BFSP1: variants seen among roughly 807,000 people sequenced by gnomAD.
The protein encoded by BFSP1 is filensin.
In BFSP1, 38 loss-of-function variants were observed where a neutral mutation model predicts 43.9. The observed-to-expected ratio is 0.87, with a 90% CI of 0.67 to 1.14. The LOEUF (loss-of-function observed/expected upper bound fraction) is 1.14. Among genes scored for constraint, BFSP1 ranks in the 50% most tolerant of loss-of-function variants. BFSP1 has a pLI of 0.00. For synonymous variants in BFSP1, 352 were observed against 354.8 expected (o/e 0.99, Z 0.09); for missense variants, 850 against 875.1 (o/e 0.97, Z 0.36).
intron 5 of BFSP1, among the ~76,000 whole-genome samples, chr20:17,502,983 T>C (rs1482769598): frequency 1.3e-5 from 2 of 152,142 alleles, no homozygotes; most frequent in Non-Finnish European, 2.9e-5. Context: ...GGGCCATGTG[T>C]TGAGGGATGG....
intron 7 of BFSP1, among the ~76,000 whole-genome samples, chr20:17,496,418 A>G (rs950792201): frequency 1.3e-5 from 2 of 152,226 alleles, no homozygotes; most frequent in African/African-American, 4.8e-5. Flanking sequence ...TGCCACATTT[A>G]CCAGCCAAGC....
chr20:17,521,815 G>A (rs981985464), intron 2 of BFSP1, among the ~76,000 whole-genome samples: 2 of 152,126 alleles, frequency 1.3e-5, no homozygotes, highest in Admixed American at 1.3e-4. Context: ...GGAATGTGAC[G>A]AGCAGGTTGC....
chr20:17,516,529 T>C (rs1183323407), intron 2 of BFSP1, among the ~76,000 whole-genome samples: 1 of 152,128 alleles, frequency 6.6e-6, no homozygotes, highest in Non-Finnish European at 1.5e-5. Context: ...ACACCAGAGC[T>C]GAGACTTCAT....
chr20:17,545,970 T>G (rs2034794122), intron 1 of BFSP1, among the ~76,000 whole-genome samples: 1 of 152,154 alleles, frequency 6.6e-6, no homozygotes, highest in Non-Finnish European at 1.5e-5. Context: ...ACAGAGTAGC[T>G]TCCAATAAAC....
At chr20:17,547,897 ATTTTTTTTT>A (rs71192391) in intron 1 of BFSP1, among the ~76,000 whole-genome samples, 2 of 101,896 alleles carry the variant, frequency 2.0e-5, no homozygotes, top group Non-Finnish European at 1.8e-5. Context: ...TGCCCGGCCA[ATTTTTTTTT>A]TTTTTTTTTT....
At chr20:17,499,882 T>C (rs1302377686) in intron 5 of BFSP1, among the ~76,000 whole-genome samples, 1 of 151,872 alleles carries the variant, frequency 6.6e-6, no homozygotes, top group African/African-American at 2.4e-5. Context: ...GACCACACCA[T>C]TGCACTCCAG....
chr20:17,516,327 C>G (rs2034199307), intron 2 of BFSP1, among the ~76,000 whole-genome samples: 1 of 151,736 alleles, frequency 6.6e-6, no homozygotes, highest in African/African-American at 2.4e-5. Flanking sequence ...AACTCCATCT[C>G]AAAAAAAATT....
upstream of BFSP1, among the ~76,000 whole-genome samples, chr20:17,561,051 T>A (rs2035062539): frequency 6.6e-6 from 1 of 152,232 alleles, no homozygotes; most frequent in Non-Finnish European, 1.5e-5. Context: ...TTATGACTTG[T>A]GATTACACTC....
intron 1 of BFSP1, among the ~76,000 whole-genome samples, chr20:17,526,439 C>T (rs76397601): frequency 0.067 from 10,133 of 152,230 alleles, 386 homozygotes; most frequent in African/African-American, 0.077. Context: ...CTTTCTGTGA[C>T]TGGCTTGTTT....
At chr20:17,501,300 C>T (rs898283746) in intron 5 of BFSP1, among the ~76,000 whole-genome samples, 1 of 152,176 alleles carries the variant, frequency 6.6e-6, no homozygotes, top group Admixed American at 6.5e-5. Context: ...TGTGGTGGCT[C>T]ACACCTGTAA....
chr20:17,509,087 C>T lies in BFSP1; in HGVS notation c.628-91G>A, dbSNP rs150104978. 701 of 932,934 alleles carry T rather than the reference C, an allele frequency of 7.5e-4. 2 individuals are homozygous for T. In the African/African-American group the frequency reaches 0.01, roughly 14 times the overall value. 57.8% of individuals were successfully genotyped at this position (932,934 alleles called of 1,614,324 possible). A position where few individuals can be genotyped will look rare whatever the true frequency, so the allele number is the denominator to read the frequency against. On this transcript the variant is annotated intron_variant, in intron 4 of 7. Coordinates refer to ENST00000377873, the MANE Select transcript of BFSP1 (RefSeq NM_001195.5). ...GGGGCCCTGGTATGGACGGAATATC[C>T]GTGTCCCCCTGAATTCTGTGTTGAA... is the stretch of plus-strand genomic sequence containing the variant.
intron 4 of BFSP1, among the ~76,000 whole-genome samples, chr20:17,510,806 C>T (rs959901828): frequency 1.1e-4 from 16 of 152,166 alleles, no homozygotes; most frequent in African/African-American, 3.6e-4. Flanking sequence ...CAAGTGTCAC[C>T]AGGGTTGAGA....
At chr20:17,522,030 G>A (rs2034329130) in intron 2 of BFSP1, among the ~76,000 whole-genome samples, 1 of 152,192 alleles carries the variant, frequency 6.6e-6, no homozygotes, top group South Asian at 2.1e-4. Flanking sequence ...GATGCAGGCA[G>A]TGATCAGGGT....
intron 1 of BFSP1, among the ~76,000 whole-genome samples, chr20:17,555,283 T>A (rs1304684208): frequency 1.2e-4 from 13 of 111,820 alleles, no homozygotes; most frequent in Non-Finnish European, 1.9e-4. Flanking sequence ...TGAGATCCTA[T>A]CTCACAAAAA....
At chr20:17,541,289 T>C (rs2034713600) in intron 1 of BFSP1, 2 of 982,412 alleles carry the variant, frequency 2.0e-6, no homozygotes, top group Non-Finnish European at 2.4e-6. Context: ...GTCATGAAAC[T>C]CTTAAATGGG....
At chr20:17,540,451 T>C (rs2034697297) in intron 1 of BFSP1, among the ~76,000 whole-genome samples, 1 of 152,074 alleles carries the variant, frequency 6.6e-6, no homozygotes, top group African/African-American at 2.4e-5. Context: ...ATGTCTAAAG[T>C]GGTCTTCAGT....
chr20:17,530,175 T>C (rs1347692865), intron 1 of BFSP1, among the ~76,000 whole-genome samples: 2 of 152,186 alleles, frequency 1.3e-5, no homozygotes, highest in African/African-American at 2.4e-5. Context: ...TGCTGGTCCA[T>C]GGACCGCACT....
At chr20:17,499,798 A>G (rs370875226) in intron 5 of BFSP1, among the ~76,000 whole-genome samples, 12 of 152,220 alleles carry the variant, frequency 7.9e-5, no homozygotes, top group African/African-American at 2.9e-4. Flanking sequence ...GGCACACGCC[A>G]TAATCCCAGA....
At chr20:17,539,471 G>A (rs569486636) in intron 1 of BFSP1, among the ~76,000 whole-genome samples, 6 of 152,060 alleles carry the variant, frequency 3.9e-5, no homozygotes, top group Non-Finnish European at 7.4e-5. Flanking sequence ...ACATACATTT[G>A]GGGGCTGGGC....
Sources: gnomAD v4.1 joint callset for allele counts (sites outside exome capture counted in the v4.1 genomes callset) on GRCh38, gnomAD v4.1.1 for gene constraint, MANE v1.5 for transcripts, NCBI Gene and HGNC (gene_info 2026-07-23, HGNC 2026-07-21) for gene names.